FOXO1: variants seen among roughly 807,000 people sequenced by gnomAD.
The protein encoded by FOXO1 is forkhead box O1.
Under a neutral mutation model 44.1 loss-of-function variants are expected in FOXO1, and 6 were observed. The ratio of observed to expected loss-of-function variants is 0.14; its 90% CI spans 0.07 to 0.27. The LOEUF is 0.27. Ranked by LOEUF, FOXO1 falls within the 10% of genes least tolerant of loss-of-function variation. The probability of loss-of-function intolerance (pLI) is 1.00; values close to 1 mark genes in which losing one functional copy is unlikely to be tolerated. For synonymous variants in FOXO1, 380 were observed against 362.7 expected (o/e 1.05, Z -0.54); for missense variants, 737 against 888.8 (o/e 0.83, Z 2.17).
At chr13:40,565,099 C>T (rs1381864772) in intron 1 of FOXO1, among the ~76,000 whole-genome samples, 5 of 151,302 alleles carry the variant, frequency 3.3e-5, no homozygotes, top group South Asian at 4.2e-4. Context: ...ATCATAGCCT[C>T]AATAACTGTT....
intron 1 of FOXO1, among the ~76,000 whole-genome samples, chr13:40,658,606 T>C (rs534508527): frequency 4.6e-5 from 7 of 152,134 alleles, no homozygotes; most frequent in Middle Eastern, 3.4e-3. Flanking sequence ...TACTTATGAA[T>C]GAGGATAGGA....
rs1283742304 is a variant in FOXO1, at chr13:40,558,836, T to A, written c.*213A>T. 2 of 398,592 alleles carry A rather than the reference T, an allele frequency of 5.0e-6. No homozygotes were observed. Among genetic ancestry groups the A allele is most frequent in the Non-Finnish European group, 8.8e-6 (2 of 226,022 alleles). The allele number at this position is 398,592 out of a possible 1,614,324, so 24.7% of individuals were successfully genotyped here. ...CACAGTCCTTATCTACAGCAGCACA[T>A]AACCTGCACACATTGGGCAAACATC... On this transcript the variant is annotated 3_prime_UTR_variant, in exon 3 of 3. Transcript: ENST00000379561.
At chr13:40,646,019 A>T (rs1246084746) in intron 1 of FOXO1, among the ~76,000 whole-genome samples, 2 of 151,402 alleles carry the variant, frequency 1.3e-5, no homozygotes, top group Non-Finnish European at 2.9e-5. Context: ...ATGAGCCTAG[A>T]TCACGCCACT....
chr13:40,585,809 C>A (rs112994356), intron 1 of FOXO1, among the ~76,000 whole-genome samples: 12 of 152,296 alleles, frequency 7.9e-5, no homozygotes, highest in Non-Finnish European at 1.6e-4. Flanking sequence ...ATGAAAAACC[C>A]TATCCTAGCT....
At chr13:40,638,849 C>G (rs997443427) in intron 1 of FOXO1, among the ~76,000 whole-genome samples, 1 of 152,064 alleles carries the variant, frequency 6.6e-6, no homozygotes, top group African/African-American at 2.4e-5. Context: ...ACTGGAAGTT[C>G]TGAAATGGAA....
intron 1 of FOXO1, among the ~76,000 whole-genome samples, chr13:40,607,034 C>T (rs1876024062): frequency 6.6e-6 from 1 of 152,192 alleles, no homozygotes; most frequent in African/African-American, 2.4e-5. Flanking sequence ...TGTGCCACTT[C>T]ACCCTTCCCA....
rs1007796819 is a variant in FOXO1, at chr13:40,558,089, C to A, written c.*960G>T. The A allele has an allele frequency of 6.6e-6, 1 of 152,552 alleles. No homozygotes were observed. Among genetic ancestry groups the A allele is most frequent in the Non-Finnish European group, 1.5e-5 (1 of 68,010 alleles). 9.4% of individuals were successfully genotyped at this position (152,552 alleles called of 1,614,324 possible). On this transcript the variant is annotated 3_prime_UTR_variant, in exon 3 of 3. Coordinates refer to ENST00000379561, the MANE Select transcript of FOXO1 (RefSeq NM_002015.4). Reference sequence around the variant, plus strand: ...AGTCAGAAACATCACTAAGTAGCATCCCAAAGTGTACAAACCAGTTAAGCA... The same window carrying A: ...AGTCAGAAACATCACTAAGTAGCATACCAAAGTGTACAAACCAGTTAAGCA...
Position 40,624,061 on chromosome 13 carries a change from A to C in FOXO1, c.630+41522T>G, listed in dbSNP as rs138422342. On this transcript the variant is annotated intron_variant, in intron 1 of 2. Coordinates refer to ENST00000379561, the MANE Select transcript of FOXO1 (RefSeq NM_002015.4). ...TGAGGCTGTAATGAGCTGTGATCAAACCACTGCTCTTCAGCCTGGGTGACA... is the reference window on the plus strand; with the variant it reads ...TGAGGCTGTAATGAGCTGTGATCAACCCACTGCTCTTCAGCCTGGGTGACA... Among the ~76,000 whole-genome samples the C allele has an allele frequency of 6.1e-3, 926 of 152,102 alleles. 11 individuals carry two copies. Among genetic ancestry groups the C allele is most frequent in the African/African-American group, 0.021 (877 of 41,508 alleles).
Position 40,642,704 on chromosome 13 carries a change from A to C in FOXO1, c.630+22879T>G, listed in dbSNP as rs184743555. Among the ~76,000 whole-genome samples the C allele has an allele frequency of 2.2e-3, 332 of 152,230 alleles. 1 individual carries two copies. Among genetic ancestry groups the C allele is most frequent in the South Asian group, 5.0e-3 (24 of 4,818 alleles). On this transcript the variant is annotated intron_variant, in intron 1 of 2. Transcript: ENST00000379561. ...AAGGCCAAGGCAGGTAGATTGCCTGAGCTCAGGAGTTCGAAACCAGCCTGG... is the reference window on the plus strand; with the variant it reads ...AAGGCCAAGGCAGGTAGATTGCCTGCGCTCAGGAGTTCGAAACCAGCCTGG...
rs1180591699 is a variant in FOXO1, at chr13:40,557,741, T to C, written c.*1308A>G. ...AAGAATTATGAGGGGAAACTTTTGC[T>C]AAAGCTCAACTCAAAATGGTGAAGT... On this transcript the variant is annotated 3_prime_UTR_variant, in exon 3 of 3. Transcript: ENST00000379561. 6.6e-6 allele frequency: 1 copy of C among 152,238 alleles called. No individual in the cohort carries two copies. The allele number at this position is 152,238 out of a possible 1,614,324, so 9.4% of individuals were successfully genotyped here.
Position 40,665,795 on chromosome 13 carries a change from C to CG in FOXO1, c.417dup (p.Ala140ArgfsTer61). 8.1e-7 allele frequency: 1 copy of CG among 1,241,322 alleles called. No homozygotes were observed. The highest frequency in any genetic ancestry group is 1.0e-6 in the Non-Finnish European group (1 of 986,346). The allele number at this position is 1,241,322 out of a possible 1,614,324, so 76.9% of individuals were successfully genotyped here. On this transcript the variant is annotated frameshift_variant, in exon 1 of 3. Coordinates refer to ENST00000379561, the MANE Select transcript of FOXO1 (RefSeq NM_002015.4). LOFTEE classifies it high-confidence loss of function. ...TGCCCCGCGAGCGGCCCAGCGGCGG[C>CG]GGGGGGCACCGGCGGGTGCTGCGAC...
chr13:40,619,433 A>G, intron 1 of FOXO1: 2 of 1,095,810 alleles, frequency 1.8e-6, no homozygotes, highest in Non-Finnish European at 2.8e-6. Context: ...AGTGGACAAA[A>G]TGGGAATCAA....
At chr13:40,657,310 C>T (rs1314282592) in intron 1 of FOXO1, among the ~76,000 whole-genome samples, 1 of 124,840 alleles carries the variant, frequency 8.0e-6, no homozygotes, top group Non-Finnish European at 1.6e-5. Context: ...ATCTCCCATC[C>T]TTTTTTTTCT....
chr13:40,651,736 A>G (rs1042984880), intron 1 of FOXO1, among the ~76,000 whole-genome samples: 1 of 151,312 alleles, frequency 6.6e-6, no homozygotes, highest in Non-Finnish European at 1.5e-5. Flanking sequence ...TATAAATATA[A>G]GATTATAAAT....
intron 1 of FOXO1, among the ~76,000 whole-genome samples, chr13:40,648,744 T>C (rs1208840113): frequency 6.6e-6 from 1 of 152,180 alleles, no homozygotes; most frequent in Non-Finnish European, 1.5e-5. Flanking sequence ...GCCCCATATC[T>C]GACCAGCCCA....
At chr13:40,620,323 C>G in intron 1 of FOXO1, 2 of 852,896 alleles carry the variant, frequency 2.3e-6, no homozygotes, top group Non-Finnish European at 4.0e-6. Flanking sequence ...CATACAGTCA[C>G]TATTCAAAGC....
intron 1 of FOXO1, among the ~76,000 whole-genome samples, chr13:40,582,470 T>A (rs1874995676): frequency 6.6e-6 from 1 of 152,256 alleles, no homozygotes; most frequent in Non-Finnish European, 1.5e-5. Context: ...TAGCATGTGA[T>A]GCTGTTTGAT....
At chr13:40,615,963 G>T (rs764290505) in intron 1 of FOXO1, among the ~76,000 whole-genome samples, 2 of 152,228 alleles carry the variant, frequency 1.3e-5, no homozygotes, top group Non-Finnish European at 2.9e-5. Flanking sequence ...AGTACAGGCT[G>T]CAAGAGAAGA....
At chr13:40,624,317 T>TTTAAAA (rs781451856) in intron 1 of FOXO1, among the ~76,000 whole-genome samples, 1 of 100,990 alleles carries the variant, frequency 9.9e-6, no homozygotes, top group East Asian at 2.4e-4. Context: ...TAATACTGCT[T>TTTAAAA]AAAAAAAAAA....
Sources: allele counts gnomAD v4.1 joint callset (sites outside exome capture counted in the v4.1 genomes callset), GRCh38; gene constraint gnomAD v4.1.1; transcripts MANE v1.5; gene names NCBI Gene and HGNC (gene_info 2026-07-23, HGNC 2026-07-21).